XRRA1: variants seen among roughly 807,000 people sequenced by gnomAD.
XRRA1 encodes the protein X-ray radiation resistance-associated protein 1.
A neutral mutation model predicts 80.2 loss-of-function variants in XRRA1; 69 were observed. The observed-to-expected ratio is 0.86, with a 90% CI of 0.71 to 1.05. The LOEUF is 1.05. XRRA1 is among the 50% of genes least tolerant of loss of function. The pLI is 0.00. For synonymous variants in XRRA1, 348 were observed against 389.9 expected (o/e 0.89, Z 1.27); for missense variants, 967 against 976.4 (o/e 0.99, Z 0.13).
rs531269152 is a variant in XRRA1, at chr11:74,930,918, C to T, written c.352-546G>A. ...TTCCCCAGCTCGGGTGATCCTTCCA[C>T]CTCAGCCTCTTGAGTATCTAGGACT... On this transcript the variant is annotated intron_variant, in intron 5 of 18. Coordinates refer to ENST00000684022, the MANE Select transcript of XRRA1 (RefSeq NM_001378157.1). Among the ~76,000 whole-genome samples, 65 of 152,236 alleles carry T rather than the reference C, an allele frequency of 4.3e-4. 1 individual carries two copies. Among genetic ancestry groups the T allele is most frequent in the Admixed American group, 3.7e-3 (57 of 15,284 alleles).
chr11:74,883,872 G>C (rs1217094574), intron 10 of XRRA1, among the ~76,000 whole-genome samples: 4 of 152,198 alleles, frequency 2.6e-5, no homozygotes, highest in Non-Finnish European at 5.9e-5. Flanking sequence ...CCTCAGCAGA[G>C]CTTCCCTTTT....
chr11:74,901,096 C>G (rs1256728792), intron 10 of XRRA1, among the ~76,000 whole-genome samples: 2 of 152,098 alleles, frequency 1.3e-5, no homozygotes, highest in Non-Finnish European at 1.5e-5. Context: ...TAAGCAGATT[C>G]AGTAAAGTTT....
chr11:74,945,955 T>A (rs1022073709), intron 1 of XRRA1, among the ~76,000 whole-genome samples: 58 of 151,998 alleles, frequency 3.8e-4, no homozygotes, highest in Admixed American at 3.8e-3. Context: ...CCACTTCTTT[T>A]TTTATTTATT....
chr11:74,943,720 T>C (rs1174007623), intron 2 of XRRA1, among the ~76,000 whole-genome samples: 1 of 152,112 alleles, frequency 6.6e-6, no homozygotes, highest in Non-Finnish European at 1.5e-5. Flanking sequence ...ATCTCCTATT[T>C]GAGAGTCAGC....
At chr11:74,870,517 T>C (rs905449106) in intron 10 of XRRA1, among the ~76,000 whole-genome samples, 5 of 152,214 alleles carry the variant, frequency 3.3e-5, no homozygotes, top group Admixed American at 1.3e-4. Context: ...TCCTGTTAGA[T>C]AGCATCAGCA....
chr11:74,853,284 G>A lies in XRRA1; in HGVS notation c.1171-1202C>T, dbSNP rs561158264. ...GAGGAGGAGGAGGTAATTAGCGAAC[G>A]CAGTGAGGCATGGAGTGTGTGGTAG... is the stretch of plus-strand genomic sequence containing the variant. On this transcript the variant is annotated intron_variant, in intron 12 of 18. Transcript: ENST00000684022. Among the ~76,000 whole-genome samples the A allele has an allele frequency of 3.9e-5, 6 of 152,306 alleles. No individual in the cohort carries two copies. In the South Asian group the frequency reaches 1.0e-3, roughly 26 times the overall value.
intron 10 of XRRA1, among the ~76,000 whole-genome samples, chr11:74,898,575 G>A (rs1332536892): frequency 6.6e-6 from 1 of 152,048 alleles, no homozygotes; most frequent in Admixed American, 6.5e-5. Context: ...GATATTCCAT[G>A]CAAGTGGAAA....
chr11:74,933,800 C>T lies in XRRA1; in HGVS notation c.351+1G>A. On this transcript the variant is annotated splice_donor_variant, in intron 5 of 18. Transcript: ENST00000684022. LOFTEE classifies it high-confidence loss of function. ...ATCACATCTTTGCTGGCTGACCTCA[C>T]CTTGGAGAACTTCAGGCCACTCACA... 12 of 1,588,778 alleles carry T rather than the reference C, an allele frequency of 7.6e-6. No homozygotes were observed. The highest frequency in any genetic ancestry group is 1.0e-5 in the Non-Finnish European group (12 of 1,167,012).
chr11:74,945,752 A>G (rs749391208), intron 1 of XRRA1, among the ~76,000 whole-genome samples: 79 of 152,218 alleles, frequency 5.2e-4, no homozygotes, highest in Non-Finnish European at 1.0e-3. Flanking sequence ...GCTAATGCCA[A>G]TCTGACTGTA....
Position 74,843,917 on chromosome 11 carries a change from G to C in XRRA1, c.2086C>G (p.Gln696Glu). 5 of 1,613,692 alleles carry C rather than the reference G, an allele frequency of 3.1e-6. No homozygotes were observed. Among genetic ancestry groups the C allele is most frequent in the Non-Finnish European group, 4.2e-6 (5 of 1,179,772 alleles). ...PIPPPKKTRA[Q>E]LLDDIFIRLR... ...CGAATGAAGATGTCATCCAGAAGTTGGGCTCTAGTCTTCTTTGGGGGTGGA... is the reference window on the plus strand; with the variant it reads ...CGAATGAAGATGTCATCCAGAAGTTCGGCTCTAGTCTTCTTTGGGGGTGGA... Residue 696 changes from glutamine (Q) to glutamate (E), a missense_variant, in exon 18 of 19, where the codon CAA (glutamine) becomes GAA (glutamate). By Grantham distance (29) the Gln-to-Glu change is conservative (BLOSUM62 2). Transcript: ENST00000684022.
intron 12 of XRRA1, among the ~76,000 whole-genome samples, chr11:74,854,273 C>T (rs2040567172): frequency 1.3e-5 from 2 of 152,046 alleles, no homozygotes; most frequent in African/African-American, 4.8e-5. Flanking sequence ...TGTTCATGGG[C>T]CAGTGGCTAT....
intron 8 of XRRA1, among the ~76,000 whole-genome samples, chr11:74,911,771 A>T (rs2138449130): frequency 6.6e-6 from 1 of 152,236 alleles, no homozygotes; most frequent in Admixed American, 6.5e-5. Context: ...CAGTATGCCA[A>T]ATCTAAAAAC....
rs201475280 is a variant in XRRA1 at position 74,907,163 on chromosome 11, C to G, written c.767G>C (p.Ser256Thr). 4.3e-6 allele frequency: 7 copies of G among 1,613,842 alleles called. No individual in the cohort carries two copies. Among genetic ancestry groups the G allele is most frequent in the Non-Finnish European group, 5.9e-6 (7 of 1,179,872 alleles). The part of the protein sequence containing the change: ...NRLSNPSCFA[S>T]LAGLRRLKKL... The stretch of plus-strand genomic sequence containing the variant: ...GCTTTACCTCCTGAGCCCAGCCAGG[C>G]TGGCAAAGCAACTGGGGTTGGAGAG... Residue 256 changes from serine to threonine, a missense_variant, in exon 9 of 19, where the codon AGC becomes ACC. Transcript: ENST00000684022.
At chr11:74,879,285 G>C (rs2046878751) in intron 10 of XRRA1, among the ~76,000 whole-genome samples, 1 of 151,478 alleles carries the variant, frequency 6.6e-6, no homozygotes, top group Non-Finnish European at 1.5e-5. Flanking sequence ...TGGTGTATAA[G>C]AATGCTTGTG....
chr11:74,940,850 TC>T lies in XRRA1; in HGVS notation c.28del (p.Asp10MetfsTer7). Reference sequence around the variant, plus strand: ...GTTGTTCAGGTAAGGCTTCCCATCATCCAGCTTGTAGATTCCTGAGAAGGCC... The same window carrying T: ...GTTGTTCAGGTAAGGCTTCCCATCATCAGCTTGTAGATTCCTGAGAAGGCC... MAFSGIYKL[D>X]DGKPYLNNCF... On this transcript the variant is annotated frameshift_variant, in exon 3 of 19. Transcript: ENST00000684022. LOFTEE classifies it high-confidence loss of function. 6.2e-7 allele frequency: 1 copy of T among 1,609,440 alleles called. No homozygotes were observed. The highest frequency in any genetic ancestry group is 8.5e-7 in the Non-Finnish European group (1 of 1,177,986).
chr11:74,853,196 G>T (rs1382038661), intron 12 of XRRA1, among the ~76,000 whole-genome samples: 1 of 152,190 alleles, frequency 6.6e-6, no homozygotes, highest in East Asian at 1.9e-4. Context: ...CAAGAGAGGT[G>T]CATGAAGTAC....
intron 3 of XRRA1, among the ~76,000 whole-genome samples, chr11:74,939,577 A>G (rs1945869690): frequency 6.6e-6 from 1 of 152,160 alleles, no homozygotes; most frequent in Non-Finnish European, 1.5e-5. Flanking sequence ...TACTTCTGGC[A>G]CCATAAGATA....
intron 15 of XRRA1, among the ~76,000 whole-genome samples, chr11:74,847,674 A>C (rs2038655386): frequency 6.6e-6 from 1 of 152,122 alleles, no homozygotes; most frequent in African/African-American, 2.4e-5. Context: ...CAGTCTCAGC[A>C]CTGATTGCAT....
chr11:74,933,649 TA>T (rs1944200300), intron 5 of XRRA1, 151 bp downstream of exon 5: 1 of 632,380 alleles, frequency 1.6e-6, no homozygotes, highest in Non-Finnish European at 2.8e-6. Context: ...TTCAACCCAA[TA>T]AATCCTTGTC....
Sources: gnomAD v4.1 joint callset for allele counts (sites outside exome capture counted in the v4.1 genomes callset) on GRCh38, gnomAD v4.1.1 for gene constraint, MANE v1.5 for transcripts, NCBI Gene and HGNC (gene_info 2026-07-23, HGNC 2026-07-21) for gene names.